FHIT: variants seen among roughly 807,000 people sequenced by gnomAD.
FHIT encodes bis(5'-adenosyl)-triphosphatase.
A neutral mutation model predicts 17.9 loss-of-function variants in FHIT; 19 were observed. The observed-to-expected ratio is 1.06, with a 90% CI of 0.74 to 1.56. FHIT has a LOEUF of 1.56. Among genes scored for constraint, FHIT ranks in the 40% most tolerant of loss-of-function variants. The probability of loss-of-function intolerance (pLI) is 0.00; values close to 1 mark genes in which losing one functional copy is unlikely to be tolerated. For synonymous variants in FHIT, 81 were observed against 69.7 expected (o/e 1.16, Z -0.81); for missense variants, 248 against 189.2 (o/e 1.31, Z -1.82).
chr3:60,342,248 G>A (rs117958890), intron 5 of FHIT, among the ~76,000 whole-genome samples: 1 of 152,168 alleles, frequency 6.6e-6, no homozygotes, highest in Non-Finnish European at 1.5e-5. Flanking sequence ...AATTGCATGA[G>A]CAATGTTTAA....
intron 7 of FHIT, among the ~76,000 whole-genome samples, chr3:59,984,929 T>G (rs1204259459): frequency 1.3e-5 from 2 of 152,120 alleles, no homozygotes; most frequent in African/African-American, 4.8e-5. Flanking sequence ...AGTATTGGGC[T>G]TCACCATTAC....
chr3:59,838,734 C>T (rs1701425144), intron 8 of FHIT, among the ~76,000 whole-genome samples: 1 of 152,206 alleles, frequency 6.6e-6, no homozygotes, highest in South Asian at 2.1e-4. Flanking sequence ...ATAATGCTCT[C>T]TCTCCAAAGG....
chr3:60,717,578 C>G (rs1293007970), intron 4 of FHIT, among the ~76,000 whole-genome samples: 1 of 152,114 alleles, frequency 6.6e-6, no homozygotes, highest in Non-Finnish European at 1.5e-5. Flanking sequence ...GCACACCTTG[C>G]ACAAAGGTAT....
intron 9 of FHIT, 182 bp downstream of exon 9, chr3:59,752,039 A>G (rs1040763310): frequency 1.0e-5 from 5 of 494,470 alleles, no homozygotes; most frequent in Non-Finnish European, 1.8e-5. Context: ...GTTGGAAGAG[A>G]CTGGGAGGCT....
intron 3 of FHIT, among the ~76,000 whole-genome samples, chr3:60,973,204 G>C (rs1434658455): frequency 2.6e-5 from 4 of 152,156 alleles, no homozygotes; most frequent in Non-Finnish European, 4.4e-5. Flanking sequence ...CTGGCAGGCA[G>C]ATAGAGTACA....
At chr3:60,361,093 C>T (rs1316565833) in intron 5 of FHIT, among the ~76,000 whole-genome samples, 1 of 152,210 alleles carries the variant, frequency 6.6e-6, no homozygotes, top group African/African-American at 2.4e-5. Flanking sequence ...GTGATATATT[C>T]ATCCGTTCAT....
chr3:60,274,317 C>G (rs1052795206), intron 5 of FHIT, among the ~76,000 whole-genome samples: 6 of 152,128 alleles, frequency 3.9e-5, no homozygotes, highest in African/African-American at 1.4e-4. Context: ...TCCACTAAAT[C>G]CCCAACTCCA....
At chr3:61,011,829 A>C (rs114423317) in intron 3 of FHIT, among the ~76,000 whole-genome samples, 10 of 152,136 alleles carry the variant, frequency 6.6e-5, no homozygotes, top group African/African-American at 2.4e-4. Flanking sequence ...TATTTCTCTC[A>C]GGAGCAGACT....
chr3:60,044,689 A>G (rs1701578893), intron 5 of FHIT, among the ~76,000 whole-genome samples: 1 of 152,216 alleles, frequency 6.6e-6, no homozygotes, highest in Admixed American at 6.5e-5. Flanking sequence ...AATGATGAAA[A>G]TGAGACTCAA....
chr3:59,783,763 G>A (rs1323900309), intron 8 of FHIT, among the ~76,000 whole-genome samples: 1 of 152,070 alleles, frequency 6.6e-6, no homozygotes, highest in African/African-American at 2.4e-5. Context: ...AATATCCTCT[G>A]GGGGAGCTGA....
intron 8 of FHIT, among the ~76,000 whole-genome samples, chr3:59,896,192 G>C (rs1704061078): frequency 6.6e-6 from 1 of 152,170 alleles, no homozygotes; most frequent in South Asian, 2.1e-4. Context: ...GAACCTGACT[G>C]TTTTGTTCTC....
intron 8 of FHIT, among the ~76,000 whole-genome samples, chr3:59,801,738 G>C (rs1341233955): frequency 6.6e-6 from 1 of 152,078 alleles, no homozygotes; most frequent in Non-Finnish European, 1.5e-5. Flanking sequence ...TCACTGTACA[G>C]ACAAGCAGAG....
At chr3:60,224,068 T>C (rs998730933) in intron 5 of FHIT, among the ~76,000 whole-genome samples, 3 of 152,168 alleles carry the variant, frequency 2.0e-5, no homozygotes, top group African/African-American at 4.8e-5. Flanking sequence ...TTAACAATAA[T>C]AGCAAACTTT....
intron 5 of FHIT, among the ~76,000 whole-genome samples, chr3:60,418,261 C>T (rs544069595): frequency 1.3e-5 from 2 of 150,948 alleles, no homozygotes; most frequent in African/African-American, 4.9e-5. Flanking sequence ...TTTGTCTACT[C>T]ATTTTTAGTT....
At chr3:60,935,643 A>G (rs540162800) in intron 3 of FHIT, among the ~76,000 whole-genome samples, 25 of 152,328 alleles carry the variant, frequency 1.6e-4, no homozygotes, top group African/African-American at 6.0e-4. Context: ...GCATCCGTCG[A>G]TAACTTCTCA....
At chr3:60,132,374 T>G (rs1167589246) in intron 5 of FHIT, among the ~76,000 whole-genome samples, 2 of 152,204 alleles carry the variant, frequency 1.3e-5, no homozygotes, top group African/African-American at 4.8e-5. Flanking sequence ...GTTATGTATT[T>G]GTTAAACGAA....
intron 3 of FHIT, among the ~76,000 whole-genome samples, chr3:61,034,178 G>T (rs2033135952): frequency 6.6e-6 from 1 of 151,928 alleles, no homozygotes; most frequent in Non-Finnish European, 1.5e-5. Context: ...GAAAGCATAG[G>T]GGTAAAATCA....
At chr3:59,812,377 G>C (rs1003334239) in intron 8 of FHIT, among the ~76,000 whole-genome samples, 2 of 152,120 alleles carry the variant, frequency 1.3e-5, no homozygotes, top group African/African-American at 4.8e-5. Flanking sequence ...CACCCACAGG[G>C]GCTAGATCTG....
intron 5 of FHIT, among the ~76,000 whole-genome samples, chr3:60,015,186 T>C (rs1300444890): frequency 6.6e-6 from 1 of 152,166 alleles, no homozygotes; most frequent in African/African-American, 2.4e-5. Context: ...ATTCTGCAAT[T>C]GCTAGTCTCA....
Sources: allele counts gnomAD v4.1 joint callset (sites outside exome capture counted in the v4.1 genomes callset), GRCh38; gene constraint gnomAD v4.1.1; transcripts MANE v1.5; gene names NCBI Gene and HGNC (gene_info 2026-07-23, HGNC 2026-07-21).